MEIS1: variants seen among roughly 807,000 people sequenced by gnomAD.
MEIS1 encodes the protein Meis homeobox 1.
In MEIS1, 5 loss-of-function variants were observed where a neutral mutation model predicts 50.8. The ratio of observed to expected loss-of-function variants is 0.10; its 90% CI spans 0.05 to 0.21. MEIS1 has a LOEUF of 0.21. MEIS1 is among the 10% of genes least tolerant of loss of function. MEIS1 has a pLI of 1.00. For missense variants in MEIS1, 318 were observed against 517.3 expected (o/e 0.61, Z 3.74); for synonymous variants, 176 against 179.3 (o/e 0.98, Z 0.15).
At chr2:66,525,866 G>A in intron 8 of MEIS1, among the ~76,000 whole-genome samples, 1 of 152,256 alleles carries the variant, frequency 6.6e-6, no homozygotes, top group East Asian at 1.9e-4. Flanking sequence ...AGGGCAGTGT[G>A]TGTGGCATGC....
chr2:66,564,026 T>C (rs1374517200), intron 9 of MEIS1, among the ~76,000 whole-genome samples: 1 of 152,218 alleles, frequency 6.6e-6, no homozygotes, highest in Non-Finnish European at 1.5e-5. Context: ...CATATAAGTG[T>C]AGTAATTGTA....
At chr2:66,442,348 G>A (rs1484904816) in intron 5 of MEIS1, among the ~76,000 whole-genome samples, 3 of 150,246 alleles carry the variant, frequency 2.0e-5, no homozygotes, top group Non-Finnish European at 4.4e-5. Context: ...AGGAGTACTG[G>A]CAACTTGATT....
At chr2:66,452,666 G>C (rs981266262) in intron 6 of MEIS1, among the ~76,000 whole-genome samples, 1 of 151,858 alleles carries the variant, frequency 6.6e-6, no homozygotes, top group Admixed American at 6.6e-5. Flanking sequence ...ATATTCAGTT[G>C]CAGAATTATT....
intron 6 of MEIS1, among the ~76,000 whole-genome samples, chr2:66,456,994 G>T (rs1195032867): frequency 6.6e-6 from 1 of 152,028 alleles, no homozygotes; most frequent in South Asian, 2.1e-4. Flanking sequence ...TCCACAGCAC[G>T]TGTGCACAGT....
chr2:66,501,132 A>G (rs1673544516), intron 7 of MEIS1, among the ~76,000 whole-genome samples: 1 of 152,178 alleles, frequency 6.6e-6, no homozygotes, highest in African/African-American at 2.4e-5. Context: ...TATTATGAGT[A>G]ATGAACTAGC....
At chr2:66,502,896 A>G (rs1013937964) in intron 7 of MEIS1, among the ~76,000 whole-genome samples, 4 of 152,178 alleles carry the variant, frequency 2.6e-5, no homozygotes, top group African/African-American at 9.7e-5. Flanking sequence ...TTGGAGCTTT[A>G]TTCACTTAAT....
chr2:66,498,443 T>C (rs551431932), intron 7 of MEIS1, among the ~76,000 whole-genome samples: 14 of 152,220 alleles, frequency 9.2e-5, no homozygotes. Flanking sequence ...GAAGCTAAGC[T>C]ATTCTCTTGT....
At chr2:66,459,011 A>G (rs1672459399) in intron 6 of MEIS1, among the ~76,000 whole-genome samples, 1 of 152,232 alleles carries the variant, frequency 6.6e-6, no homozygotes, top group African/African-American at 2.4e-5. Flanking sequence ...TTCATAGTGT[A>G]GAATTGTAGA....
At position 66,438,011 on chromosome 2, in the gene MEIS1, C is replaced by G. The variant is rs764431519; in HGVS notation, c.239+48C>G. 6 of 1,474,096 alleles carry G rather than the reference C, an allele frequency of 4.1e-6. No individual in the cohort carries two copies. In the East Asian group the frequency reaches 1.2e-4, roughly 31 times the overall value. 91.3% of individuals were successfully genotyped at this position (1,474,096 alleles called of 1,614,324 possible). A position where few individuals can be genotyped will look rare whatever the true frequency, so the allele number is the denominator to read the frequency against. ...TAAGTAGTTGAGACTCAACGCTTCC[C>G]TCTTTCTCTGTGCCCTTGGTAAGAG... is the stretch of plus-strand genomic sequence containing the variant. On this transcript the variant is annotated intron_variant, in intron 2 of 12. Coordinates refer to ENST00000272369, the MANE Select transcript of MEIS1 (RefSeq NM_002398.3).
At chr2:66,504,360 A>T (rs974945247) in intron 7 of MEIS1, among the ~76,000 whole-genome samples, 5 of 152,032 alleles carry the variant, frequency 3.3e-5, no homozygotes, top group Non-Finnish European at 5.9e-5. Context: ...CAGCCTCCCG[A>T]GTAGCTGGGA....
At chr2:66,528,077 G>T (rs1219486391) in intron 8 of MEIS1, among the ~76,000 whole-genome samples, 2 of 152,074 alleles carry the variant, frequency 1.3e-5, no homozygotes, top group Non-Finnish European at 2.9e-5. Flanking sequence ...GGAGTACAAA[G>T]AAATGAATGA....
chr2:66,495,287 T>C (rs974459822), intron 7 of MEIS1, among the ~76,000 whole-genome samples: 8 of 152,100 alleles, frequency 5.3e-5, no homozygotes, highest in Non-Finnish European at 1.2e-4. Context: ...GTATTTTTTT[T>C]ACCCTGATCA....
intron 8 of MEIS1, among the ~76,000 whole-genome samples, chr2:66,543,281 C>T (rs1674700395): frequency 6.6e-6 from 1 of 152,166 alleles, no homozygotes; most frequent in African/African-American, 2.4e-5. Context: ...GGTCATTAAG[C>T]AATCACTCTA....
intron 7 of MEIS1, among the ~76,000 whole-genome samples, chr2:66,482,707 G>A (rs1673046837): frequency 6.6e-6 from 1 of 152,204 alleles, no homozygotes. Context: ...ACCAATCCCT[G>A]TCCTCAAGGA....
At chr2:66,512,073 T>C in intron 7 of MEIS1, 76 bp from the exon 8 acceptor site, 1 of 1,420,664 alleles carries the variant, frequency 7.0e-7, no homozygotes, top group Non-Finnish European at 9.3e-7. Context: ...TGGTTTTGTT[T>C]ATATCCAAAG....
chr2:66,483,930 C>T (rs1673077875), intron 7 of MEIS1, among the ~76,000 whole-genome samples: 1 of 152,154 alleles, frequency 6.6e-6, no homozygotes, highest in African/African-American at 2.4e-5. Context: ...CTCATCTGGT[C>T]ACAATAACCT....
intron 9 of MEIS1, among the ~76,000 whole-genome samples, chr2:66,558,243 C>T (rs1483871379): frequency 1.6e-5 from 2 of 121,954 alleles, no homozygotes; most frequent in African/African-American, 3.1e-5. Flanking sequence ...TGCGCCACTG[C>T]ACTCCAGCAT....
chr2:66,442,417 C>G (rs1040411839), intron 5 of MEIS1, among the ~76,000 whole-genome samples: 1 of 151,650 alleles, frequency 6.6e-6, no homozygotes, highest in Non-Finnish European at 1.5e-5. Context: ...AGATAAAAAC[C>G]TTCATTACAA....
chr2:66,484,667 T>A (rs1440178824), intron 7 of MEIS1, among the ~76,000 whole-genome samples: 1 of 152,158 alleles, frequency 6.6e-6, no homozygotes, highest in African/African-American at 2.4e-5. Context: ...CAAGCAATTC[T>A]CCTGCCTCAG....
Sources: gnomAD v4.1 joint callset for allele counts (sites outside exome capture counted in the v4.1 genomes callset) on GRCh38, gnomAD v4.1.1 for gene constraint, MANE v1.5 for transcripts, NCBI Gene and HGNC (gene_info 2026-07-23, HGNC 2026-07-21) for gene names.